Variants in MAP3K13 observed in about 807,000 individuals in gnomAD.
MAP3K13 encodes leucine zipper-bearing kinase.
MAP3K13 carries 52 observed loss-of-function variants against 104.0 expected under a neutral mutation model. The observed-to-expected ratio is 0.50, with a 90% CI of 0.40 to 0.63. The LOEUF is 0.63. MAP3K13 is among the 20% of genes least tolerant of loss of function. The pLI is 0.00. For synonymous variants in MAP3K13, 394 were observed against 442.2 expected, an observed-to-expected ratio of 0.89 and a Z score of 1.37; for missense variants, 914 against 1,218.5, an observed-to-expected ratio of 0.75 and a Z score of 3.72.
Position 185,418,323 on chromosome 3 carries a change from C to G in MAP3K13, c.-85-10174C>G. On this transcript the variant is annotated intron_variant, in intron 1 of 13. Transcript: ENST00000265026. The surrounding 1 kb of genome is among the most constrained non-coding windows in gnomAD (Gnocchi z 4.5). The stretch of plus-strand genomic sequence containing the variant: ...AGCCTTCAACTTTATCTTCAAATAC[C>G]AAAGGAAGTTCAGGAACTTCCTCAA... The G allele has an allele frequency of 1.3e-6, 2 of 1,585,290 alleles. No individual in the cohort carries two copies. Among genetic ancestry groups the G allele is most frequent in the Admixed American group, 3.3e-5 (2 of 59,998 alleles).
intron 1 of MAP3K13, among the ~76,000 whole-genome samples, chr3:185,387,904 T>A (rs1399132423): frequency 1.3e-5 from 2 of 152,106 alleles, no homozygotes; most frequent in African/African-American, 4.8e-5. Flanking sequence ...TGCTCTTATA[T>A]ATAGAAAATC....
intron 1 of MAP3K13, among the ~76,000 whole-genome samples, chr3:185,400,808 GTT>G (rs35104274): frequency 0.27 from 35,416 of 132,126 alleles, 4,786 homozygotes; most frequent in African/African-American, 0.41. Flanking sequence ...GCTGCTAGGT[GTT>G]TTTTTTTTTT....
chr3:185,443,669 G>A (rs1303038865), intron 4 of MAP3K13, 33 bp downstream of exon 4: 2 of 1,590,812 alleles, frequency 1.3e-6, no homozygotes, highest in Non-Finnish European at 1.7e-6. Context: ...CAGCTATTTT[G>A]GTTTGTTGTT....
intron 1 of MAP3K13, among the ~76,000 whole-genome samples, chr3:185,420,686 C>T (rs1270051445): frequency 1.3e-5 from 2 of 152,156 alleles, no homozygotes; most frequent in African/African-American, 2.4e-5. Context: ...ACATCAAAAA[C>T]TTTGTGGGGC....
Position 185,473,986 on chromosome 3 carries a change from G to A in MAP3K13, c.2430+225G>A, listed in dbSNP as rs1717963899. ...TTAGCAACTACTGAACCAGAGGACT[G>A]AGTCAAGTGTATGTATAATAACTTA... On this transcript the variant is annotated intron_variant, in intron 11 of 13. Coordinates refer to ENST00000265026, the MANE Select transcript of MAP3K13 (RefSeq NM_004721.5). This position sits in a 1 kb window ranked among gnomAD's most constrained non-coding sequence, Gnocchi z 4.9. Among the ~76,000 whole-genome samples, 1 of 152,188 alleles carries A rather than the reference G, an allele frequency of 6.6e-6. No homozygotes were observed. Among genetic ancestry groups the A allele is most frequent in the Non-Finnish European group, 1.5e-5 (1 of 68,016 alleles).
At position 185,483,157 on chromosome 3, in the gene MAP3K13, G is replaced by GACAAACAA. The variant is rs575867323; in HGVS notation, c.*716_*723dup. 156 of 233,072 alleles carry GACAAACAA rather than the reference G, an allele frequency of 6.7e-4. No individual in the cohort carries two copies. Among genetic ancestry groups the GACAAACAA allele is most frequent in the African/African-American group, 3.2e-3 (147 of 45,452 alleles). The allele number at this position is 233,072 out of a possible 1,614,324, so 14.4% of individuals were successfully genotyped here. A position where few individuals can be genotyped will look rare whatever the true frequency, so the allele number is the denominator to read the frequency against. On this transcript the variant is annotated 3_prime_UTR_variant, in exon 14 of 14. Transcript: ENST00000265026. The stretch of plus-strand genomic sequence containing the variant: ...GTGCTTCCTCTAGGAGGGAAAAACA[G>GACAAACAA]ACAAACAAACAAACAAACAAACCTG...
At chr3:185,454,974 T>G in intron 7 of MAP3K13, among the ~76,000 whole-genome samples, 1 of 60,566 alleles carries the variant, frequency 1.7e-5, no homozygotes, top group South Asian at 5.6e-4. Context: ...GAGATATATA[T>G]ATGATATATA....
rs75185201 is a variant in MAP3K13, at chr3:185,394,909, A to G, written c.-86+31541A>G. Among the ~76,000 whole-genome samples the G allele has an allele frequency of 3.8e-3, 584 of 152,324 alleles. 4 individuals are homozygous for G. Among genetic ancestry groups the G allele is most frequent in the African/African-American group, 0.013 (539 of 41,562 alleles). ...TCATTATCTCATCTATAAAATGATGATGATACTGACATAAAGACTAAATGA... is the reference window on the plus strand; with the variant it reads ...TCATTATCTCATCTATAAAATGATGGTGATACTGACATAAAGACTAAATGA... On this transcript the variant is annotated intron_variant, in intron 1 of 13. Transcript: ENST00000265026.
intron 2 of MAP3K13, among the ~76,000 whole-genome samples, chr3:185,354,954 A>C (rs998783618): frequency 2.6e-5 from 4 of 152,222 alleles, no homozygotes; most frequent in African/African-American, 4.8e-5. Context: ...GTTTCAATAG[A>C]TAACAGAGTT....
chr3:185,302,861 C>G (rs887764118), intron 2 of MAP3K13, among the ~76,000 whole-genome samples: 1 of 152,142 alleles, frequency 6.6e-6, no homozygotes, highest in East Asian at 1.9e-4. Flanking sequence ...GCCAATACTT[C>G]CAATACTATG....
At chr3:185,454,639 G>GATATATATATGATATATATATGAT (rs1716225810) in intron 7 of MAP3K13, among the ~76,000 whole-genome samples, 1 of 11,208 alleles carries the variant, frequency 8.9e-5, no homozygotes, top group African/African-American at 1.5e-4. Flanking sequence ...ATATATATGA[G>GATATATATATGATATATATATGAT]ATATATATAT....
At chr3:185,292,648 T>C (rs1453140867) in intron 2 of MAP3K13, 1 of 985,214 alleles carries the variant, frequency 1.0e-6, no homozygotes, top group Non-Finnish European at 1.2e-6. Context: ...CAGTTGGAAG[T>C]CATTCCCTCA....
rs775659463 is a variant in MAP3K13, at chr3:185,477,417, C to T, written c.2501+21C>T. 27 of 1,586,652 alleles carry T rather than the reference C, an allele frequency of 1.7e-5. No individual in the cohort carries two copies. In the Middle Eastern group the frequency reaches 5.0e-4, roughly 29 times the overall value. ...CAGAGGTAAAACCAACAAATGCACA[C>T]GATTGCTTTTAGTGGAATGGGGAAA... On this transcript the variant is annotated intron_variant, in intron 12 of 13. Transcript: ENST00000265026.
At chr3:185,374,826 C>A (rs1402638287) in intron 1 of MAP3K13, among the ~76,000 whole-genome samples, 1 of 151,476 alleles carries the variant, frequency 6.6e-6, no homozygotes, top group Non-Finnish European at 1.5e-5. Context: ...ACAAAGCCAG[C>A]AAAAAGGATT....
intron 13 of MAP3K13, among the ~76,000 whole-genome samples, chr3:185,480,805 G>A (rs1209021919): frequency 2.6e-5 from 4 of 152,196 alleles, no homozygotes; most frequent in Non-Finnish European, 5.9e-5. Context: ...AAGCAAGCAT[G>A]TCTTCACATG....
At chr3:185,361,431 T>C (rs1438363566), upstream of MAP3K13, among the ~76,000 whole-genome samples, 3 of 151,590 alleles carry the variant, frequency 2.0e-5, no homozygotes, top group Non-Finnish European at 1.5e-5. Flanking sequence ...GACGGAGTCT[T>C]GCTCTGTCAC....
chr3:185,455,097 A>C (rs191687237), intron 7 of MAP3K13, among the ~76,000 whole-genome samples: 3 of 119,718 alleles, frequency 2.5e-5, no homozygotes, highest in Non-Finnish European at 3.2e-5. Context: ...TATATATGAG[A>C]TATATGTGAG....
chr3:185,454,968 T>TATATATGATATATATATGAG (rs1716334663), intron 7 of MAP3K13, among the ~76,000 whole-genome samples: 3 of 67,732 alleles, frequency 4.4e-5, no homozygotes, highest in African/African-American at 1.6e-4. Context: ...ATATATGAGA[T>TATATATGATATATATATGAG]ATATATATGA....
chr3:185,455,882 T>TAG (rs1433814898), intron 7 of MAP3K13, among the ~76,000 whole-genome samples: 3 of 137,458 alleles, frequency 2.2e-5, no homozygotes, highest in Admixed American at 7.6e-5. Context: ...AGATGAGATA[T>TAG]ATGATATAGA....
Sources: allele counts gnomAD v4.1 joint callset (sites outside exome capture counted in the v4.1 genomes callset), GRCh38; gene constraint gnomAD v4.1.1; non-coding constraint Gnocchi (gnomAD v3.1); transcripts MANE v1.5; gene names NCBI Gene and HGNC (gene_info 2026-07-23, HGNC 2026-07-21).